Variants in VAV2 observed in about 807,000 individuals in gnomAD.
VAV2 encodes the protein guanine nucleotide exchange factor VAV2.
Under a neutral mutation model 132.5 loss-of-function variants are expected in VAV2, and 67 were observed. That is an observed-to-expected ratio of 0.51 (90% CI 0.42 to 0.62). VAV2 has a LOEUF of 0.62. Ranked by LOEUF, VAV2 falls within the 20% of genes least tolerant of loss-of-function variation. VAV2 has a pLI of 0.00. For synonymous variants in VAV2, 492 were observed against 443.5 expected (o/e 1.11, Z -1.37); for missense variants, 938 against 1,153.6 (o/e 0.81, Z 2.71).
At chr9:133,862,689 A>T (rs576812049) in intron 2 of VAV2, among the ~76,000 whole-genome samples, 2 of 152,344 alleles carry the variant, frequency 1.3e-5, no homozygotes, top group East Asian at 3.9e-4. Context: ...AACGGAGCCC[A>T]GAGGGCGCTC....
chr9:133,874,425 T>C (rs1183643372), intron 2 of VAV2, among the ~76,000 whole-genome samples: 2 of 152,158 alleles, frequency 1.3e-5, no homozygotes, highest in Non-Finnish European at 2.9e-5. Flanking sequence ...GGTTCCAGTG[T>C]GGGAGGCATC....
rs758027677 is a variant in VAV2 at position 133,834,726 on chromosome 9, C to T, written c.381-386G>A. On this transcript the variant is annotated intron_variant, in intron 3 of 29. Coordinates refer to ENST00000371850, the MANE Select transcript of VAV2 (RefSeq NM_001134398.2). This position sits in a 1 kb window ranked among gnomAD's most constrained non-coding sequence, Gnocchi z 5.9. ...CACAGTGGAGATGAGGCTCCTCGCACACCTCCTGGTGGGCAGGTGGGAGGG... is the reference window on the plus strand; with the variant it reads ...CACAGTGGAGATGAGGCTCCTCGCATACCTCCTGGTGGGCAGGTGGGAGGG... 3.0e-4 allele frequency among the ~76,000 whole-genome samples: 45 copies of T among 152,208 alleles called. No homozygotes were observed. Among genetic ancestry groups the T allele is most frequent in the Non-Finnish European group, 6.0e-4 (41 of 68,030 alleles).
Position 133,812,327 on chromosome 9 carries a change from G to C in VAV2, c.450-111C>G, listed in dbSNP as rs1444288009. 1.3e-5 allele frequency: 13 copies of C among 1,002,046 alleles called. No individual in the cohort carries two copies. The Admixed American group carries it at 2.3e-4, about 18-fold the overall frequency. The allele number at this position is 1,002,046 out of a possible 1,614,324, so 62.1% of individuals were successfully genotyped here. On this transcript the variant is annotated intron_variant, in intron 4 of 29. Coordinates refer to ENST00000371850, the MANE Select transcript of VAV2 (RefSeq NM_001134398.2). The stretch of plus-strand genomic sequence containing the variant: ...ACGCAGGCGGCTGGGGCCACAGCGA[G>C]GTCACCTGCCCGGGCCTCAGTCTAC...
At chr9:133,983,296 C>T (rs1002216720) in intron 1 of VAV2, among the ~76,000 whole-genome samples, 1 of 152,222 alleles carries the variant, frequency 6.6e-6, no homozygotes, top group East Asian at 1.9e-4. Flanking sequence ...GAGGGCATCA[C>T]GCTGCCCACC....
At chr9:133,987,320 G>C (rs1588231786) in intron 1 of VAV2, among the ~76,000 whole-genome samples, 1 of 152,224 alleles carries the variant, frequency 6.6e-6, no homozygotes, top group Non-Finnish European at 1.5e-5. Flanking sequence ...GGAGGAGTGA[G>C]ATCGAGGTTC....
At chr9:133,865,655 T>C (rs945932433) in intron 2 of VAV2, among the ~76,000 whole-genome samples, 1 of 152,258 alleles carries the variant, frequency 6.6e-6, no homozygotes, top group African/African-American at 2.4e-5. Flanking sequence ...TTTCCGAGAA[T>C]AGAAATTCTC....
chr9:133,888,940 G>A (rs993767565), intron 2 of VAV2, among the ~76,000 whole-genome samples: 6 of 152,172 alleles, frequency 3.9e-5, no homozygotes, highest in East Asian at 1.9e-4. Flanking sequence ...ATTCGCATTC[G>A]CAAGGAGACG....
intron 4 of VAV2, among the ~76,000 whole-genome samples, chr9:133,813,492 G>A (rs1447438661): frequency 1.3e-5 from 2 of 152,236 alleles, no homozygotes; most frequent in Non-Finnish European, 2.9e-5. Context: ...GAGAGGGAGG[G>A]CCCGTGTGCA....
chr9:133,878,261 G>A (rs981290503), intron 2 of VAV2, among the ~76,000 whole-genome samples: 5 of 152,162 alleles, frequency 3.3e-5, no homozygotes, highest in East Asian at 1.9e-4. Flanking sequence ...GCACCTCTGC[G>A]GCCGTAGGAG....
intron 2 of VAV2, among the ~76,000 whole-genome samples, chr9:133,909,445 A>G (rs779583955): frequency 4.6e-5 from 7 of 152,218 alleles, no homozygotes; most frequent in South Asian, 4.2e-4. Context: ...TAGGTCAACT[A>G]CTGCAGCAAA....
intron 2 of VAV2, among the ~76,000 whole-genome samples, chr9:133,889,013 CT>C (rs1838824943): frequency 6.6e-6 from 1 of 152,196 alleles, no homozygotes; most frequent in Admixed American, 6.5e-5. Context: ...GTCCCCGTCC[CT>C]GGGGAAGCCT....
rs544254664 is a variant in VAV2 at position 133,787,240 on chromosome 9, G to C, written c.1422+6C>G. The C allele has an allele frequency of 1.9e-6, 3 of 1,585,476 alleles. No homozygotes were observed. Among genetic ancestry groups the C allele is most frequent in the African/African-American group, 1.3e-5 (1 of 74,224 alleles). ...AGGTGGGAGGACCTGGGCGCTAGGT[G>C]CTTACCATTTTCCCGTGAGACTAGG... On this transcript the variant is annotated splice_donor_region_variant and intron_variant, in intron 16 of 29. Transcript: ENST00000371850.
At chr9:133,965,403 A>G (rs1185272276) in intron 1 of VAV2, among the ~76,000 whole-genome samples, 1 of 151,626 alleles carries the variant, frequency 6.6e-6, no homozygotes, top group African/African-American at 2.4e-5. Context: ...GGAGGCTGAG[A>G]CAGGAGAATC....
At chr9:133,948,560 C>G (rs1411379457) in intron 1 of VAV2, among the ~76,000 whole-genome samples, 1 of 145,418 alleles carries the variant, frequency 6.9e-6, no homozygotes, top group African/African-American at 2.9e-5. Context: ...GCTCCCCCCA[C>G]CAAGAGCAAG....
At position 133,840,612 on chromosome 9, in the gene VAV2, G is replaced by A. The variant is rs1183149114; in HGVS notation, c.381-6272C>T. Among the ~76,000 whole-genome samples, 1 of 152,196 alleles carries A rather than the reference G, an allele frequency of 6.6e-6. No individual in the cohort carries two copies. Among genetic ancestry groups the A allele is most frequent in the African/African-American group, 2.4e-5 (1 of 41,434 alleles). On this transcript the variant is annotated intron_variant, in intron 3 of 29. Transcript: ENST00000371850. The surrounding 1 kb of genome is among the most constrained non-coding windows in gnomAD (Gnocchi z 4.5). Reference sequence around the variant, plus strand: ...CCCAAACCCAAACCCCGAAGGAAGAGCAGAGGAAACACAGCTCCTGCTTCC... The same window carrying A: ...CCCAAACCCAAACCCCGAAGGAAGAACAGAGGAAACACAGCTCCTGCTTCC...
At chr9:133,878,810 TG>T (rs1331980874) in intron 2 of VAV2, among the ~76,000 whole-genome samples, 1 of 152,050 alleles carries the variant, frequency 6.6e-6, no homozygotes, top group Non-Finnish European at 1.5e-5. Context: ...CTGTGGGCAG[TG>T]GGGGCAGGGG....
At chr9:133,783,725 C>T (rs1834100816) in intron 18 of VAV2, 134 bp from the exon 19 acceptor site, 1 of 752,760 alleles carries the variant, frequency 1.3e-6, no homozygotes, top group Non-Finnish European at 2.3e-6. Context: ...CCCTCATAGC[C>T]CTGAGTATCC....
At chr9:133,876,612 T>C (rs1291488441) in intron 2 of VAV2, among the ~76,000 whole-genome samples, 2 of 152,098 alleles carry the variant, frequency 1.3e-5, no homozygotes, top group East Asian at 1.9e-4. Flanking sequence ...AGGGTCAGGC[T>C]GGTGTTTGAG....
intron 2 of VAV2, among the ~76,000 whole-genome samples, chr9:133,888,539 T>C (rs561405990): frequency 1.3e-4 from 20 of 152,252 alleles, no homozygotes; most frequent in Middle Eastern, 3.4e-3. Flanking sequence ...GCAGTTTCCA[T>C]AGAAACCGCT....
Sources: gnomAD v4.1 joint callset for allele counts (sites outside exome capture counted in the v4.1 genomes callset) on GRCh38, gnomAD v4.1.1 for gene constraint, Gnocchi (gnomAD v3.1) non-coding constraint, MANE v1.5 for transcripts, NCBI Gene and HGNC (gene_info 2026-07-23, HGNC 2026-07-21) for gene names.